The following FARSB variants were observed in gnomAD, a reference collection of about 807,000 sequenced individuals.
FARSB encodes phenylalanyl-tRNA synthetase subunit beta, also known as phenylalanine--tRNA ligase beta subunit.
FARSB carries 40 observed loss-of-function variants against 69.6 expected under a neutral mutation model. The ratio of observed to expected loss-of-function variants is 0.57; its 90% CI spans 0.45 to 0.75. The LOEUF (loss-of-function observed/expected upper bound fraction) is 0.75, where lower values mean the gene tolerates loss of function less well. FARSB is among the 30% of genes least tolerant of loss of function. FARSB has a pLI of 0.00. For missense variants in FARSB, 632 were observed against 722.9 expected, an observed-to-expected ratio of 0.87 and a Z score of 1.44; for synonymous variants, 235 against 247.2, an observed-to-expected ratio of 0.95 and a Z score of 0.46.
rs1269781304 is a variant in FARSB at position 222,568,890 on chromosome 2, T to C, written c.*2981A>G. 6.6e-6 allele frequency: 1 copy of C among 152,162 alleles called. No homozygotes were observed. The highest frequency in any genetic ancestry group is 2.4e-5 in the African/African-American group (1 of 41,432). The allele number at this position is 152,162 out of a possible 1,614,324, so 9.4% of individuals were successfully genotyped here. A position where few individuals can be genotyped will look rare whatever the true frequency, so the allele number is the denominator to read the frequency against. ...GAAGAGCACTGCAGGACTGTGAGGC[T>C]GTAGTGGTAGAATTTAAGTTTTTTC... On this transcript the variant is annotated 3_prime_UTR_variant, in exon 17 of 17. Transcript: ENST00000281828. This position sits in a 1 kb window ranked among gnomAD's most constrained non-coding sequence, Gnocchi z 4.3.
At chr2:222,580,477 A>G (rs1349664601) in intron 16 of FARSB, among the ~76,000 whole-genome samples, 2 of 147,300 alleles carry the variant, frequency 1.4e-5, no homozygotes, top group African/African-American at 5.0e-5. Flanking sequence ...CCTGGGCAAC[A>G]TAGTGAGACA....
At chr2:222,642,527 C>T (rs1255345908) in intron 3 of FARSB, among the ~76,000 whole-genome samples, 1 of 152,192 alleles carries the variant, frequency 6.6e-6, no homozygotes, top group East Asian at 1.9e-4. Context: ...TTTAACACAT[C>T]CAGTGAACTA....
chr2:222,639,961 A>G lies in FARSB; in HGVS notation c.340-266T>C, dbSNP rs77866399. Among the ~76,000 whole-genome samples, 121 of 152,258 alleles carry G rather than the reference A, an allele frequency of 7.9e-4. 1 individual carries two copies. The highest frequency in any genetic ancestry group is 2.9e-3 in the African/African-American group (120 of 41,550). ...TCATAATTCATATATTTACCAAACA[A>G]CCCCTCTGAAAAGTTTAAAATCTTT... On this transcript the variant is annotated intron_variant, in intron 4 of 16. Transcript: ENST00000281828.
chr2:222,595,604 T>A (rs1435108179), intron 16 of FARSB, among the ~76,000 whole-genome samples: 1 of 152,180 alleles, frequency 6.6e-6, no homozygotes, highest in East Asian at 1.9e-4. Context: ...ACAGGGATCT[T>A]GTCACAAGTT....
At chr2:222,607,143 A>C (rs540354573) in intron 15 of FARSB, among the ~76,000 whole-genome samples, 1 of 152,246 alleles carries the variant, frequency 6.6e-6, no homozygotes, top group Non-Finnish European at 1.5e-5. Flanking sequence ...TCTTGTGAAG[A>C]CATAATGCCT....
At chr2:222,638,414 T>C (rs1691638346) in intron 5 of FARSB, among the ~76,000 whole-genome samples, 1 of 152,242 alleles carries the variant, frequency 6.6e-6, no homozygotes, top group South Asian at 2.1e-4. Flanking sequence ...CCAGAGCAGA[T>C]AATCTGGCTC....
At chr2:222,601,180 T>C (rs1038345258) in intron 15 of FARSB, among the ~76,000 whole-genome samples, 6 of 152,160 alleles carry the variant, frequency 3.9e-5, no homozygotes, top group Admixed American at 1.3e-4. Flanking sequence ...AGATGAAAAG[T>C]TCTAGAGACC....
Position 222,619,746 on chromosome 2 carries a change from T to G in FARSB, c.1252-9A>C. 6.7e-7 allele frequency: 1 copy of G among 1,484,630 alleles called. No individual in the cohort carries two copies. The highest frequency in any genetic ancestry group is 9.4e-7 in the Non-Finnish European group (1 of 1,063,488). The allele number at this position is 1,484,630 out of a possible 1,614,324, so 92.0% of individuals were successfully genotyped here. A position where few individuals can be genotyped will look rare whatever the true frequency, so the allele number is the denominator to read the frequency against. On this transcript the variant is annotated splice_polypyrimidine_tract_variant and intron_variant, in intron 13 of 16. Coordinates refer to ENST00000281828, the MANE Select transcript of FARSB (RefSeq NM_005687.5). ...ATATCTTCTTGGGAGCACTGTGAAGTACACACAAAACAGATTAATATGGAA... is the reference window on the plus strand; with the variant it reads ...ATATCTTCTTGGGAGCACTGTGAAGGACACACAAAACAGATTAATATGGAA...
rs374617091 is a variant in FARSB, at chr2:222,568,329, G to A, written c.*3542C>T. 2.0e-4 allele frequency: 31 copies of A among 151,780 alleles called. No homozygotes were observed. The East Asian group carries it at 3.7e-3, about 18-fold the overall frequency. The allele number at this position is 151,780 out of a possible 1,614,324, so 9.4% of individuals were successfully genotyped here. On this transcript the variant is annotated 3_prime_UTR_variant, in exon 17 of 17. Transcript: ENST00000281828. The surrounding 1 kb of genome is among the most constrained non-coding windows in gnomAD (Gnocchi z 4.3). ...GTAGAAAGTCCCATTATTTACTTTC[G>A]CATAAATAAGTAAATAATGCAAATC...
At chr2:222,621,932 C>T (rs1691146853) in intron 13 of FARSB, among the ~76,000 whole-genome samples, 1 of 152,184 alleles carries the variant, frequency 6.6e-6, no homozygotes, top group South Asian at 2.1e-4. Context: ...CCTTTCTCTT[C>T]CCCCCAGTGA....
chr2:222,587,146 T>C (rs1690137263), intron 16 of FARSB, among the ~76,000 whole-genome samples: 2 of 152,174 alleles, frequency 1.3e-5, no homozygotes, highest in Admixed American at 1.3e-4. Flanking sequence ...ACAGAAATTA[T>C]AGCAAACTGT....
chr2:222,624,553 G>A (rs552248653), intron 11 of FARSB, 74 bp from the exon 12 acceptor site: 142 of 1,060,916 alleles, frequency 1.3e-4, no homozygotes, highest in Middle Eastern at 2.2e-4. Context: ...TTCAACATAT[G>A]CTACTAGCTG....
intron 16 of FARSB, among the ~76,000 whole-genome samples, chr2:222,588,312 G>A (rs544716568): frequency 5.7e-4 from 86 of 152,070 alleles, no homozygotes; most frequent in Middle Eastern, 6.8e-3. Flanking sequence ...ATTTAACAGC[G>A]CTTCATGCTA....
At chr2:222,646,393 T>G (rs1691858536) in intron 2 of FARSB, among the ~76,000 whole-genome samples, 2 of 152,232 alleles carry the variant, frequency 1.3e-5, no homozygotes, top group Admixed American at 6.5e-5. Flanking sequence ...TTCTATCTTC[T>G]GAGACTATAA....
intron 13 of FARSB, among the ~76,000 whole-genome samples, chr2:222,622,606 A>G (rs948417463): frequency 6.6e-6 from 1 of 152,208 alleles, no homozygotes; most frequent in Non-Finnish European, 1.5e-5. Context: ...AAATGTGTGT[A>G]TATATATGTG....
At chr2:222,644,539 C>T (rs1574952960) in intron 2 of FARSB, 1 of 455,004 alleles carries the variant, frequency 2.2e-6, no homozygotes, top group African/African-American at 2.0e-5. Flanking sequence ...AGTCACCTCC[C>T]AGGAGATGGC....
chr2:222,630,230 G>C (rs775992830), intron 8 of FARSB, 56 bp from the exon 9 acceptor site: 60 of 851,962 alleles, frequency 7.0e-5, no homozygotes, highest in Non-Finnish European at 1.1e-4. Context: ...TCTTCACTCA[G>C]ATGGAAATGA....
At chr2:222,650,911 A>G (rs1559219566) in intron 1 of FARSB, among the ~76,000 whole-genome samples, 1 of 152,216 alleles carries the variant, frequency 6.6e-6, no homozygotes, top group East Asian at 1.9e-4. Context: ...TACCAGAGTA[A>G]TTTGTTACGT....
intron 7 of FARSB, among the ~76,000 whole-genome samples, chr2:222,632,688 T>C (rs1321139123): frequency 6.6e-6 from 1 of 151,896 alleles, no homozygotes; most frequent in African/African-American, 2.4e-5. Flanking sequence ...GCAGCTCACA[T>C]CTATAATCCC....
Sources: gnomAD v4.1 joint callset for allele counts (sites outside exome capture counted in the v4.1 genomes callset) on GRCh38, gnomAD v4.1.1 for gene constraint, Gnocchi (gnomAD v3.1) non-coding constraint, MANE v1.5 for transcripts, NCBI Gene and HGNC (gene_info 2026-07-23, HGNC 2026-07-21) for gene names.